Variants in CNTNAP2 observed in about 807,000 individuals in gnomAD.
The protein encoded by CNTNAP2 is contactin-associated protein-like 2.
CNTNAP2 carries 98 observed loss-of-function variants against 155.2 expected under a neutral mutation model. That is an observed-to-expected ratio of 0.63 (90% CI 0.54 to 0.75). CNTNAP2 has a LOEUF of 0.75. Ranked by LOEUF, CNTNAP2 falls within the 30% of genes least tolerant of loss-of-function variation. CNTNAP2 has a pLI of 0.00. For missense variants in CNTNAP2, 1,727 were observed against 1,688.1 expected, an observed-to-expected ratio of 1.02 and a Z score of -0.40; for synonymous variants, 651 against 631.2, an observed-to-expected ratio of 1.03 and a Z score of -0.47.
intron 1 of CNTNAP2, among the ~76,000 whole-genome samples, chr7:146,771,237 T>A (rs1802288853): frequency 6.6e-6 from 1 of 152,200 alleles, no homozygotes; most frequent in Non-Finnish European, 1.5e-5. Context: ...ACATAAGCTC[T>A]ACAAGGGCAG....
chr7:147,368,493 T>C (rs1435834743), intron 9 of CNTNAP2, among the ~76,000 whole-genome samples: 1 of 152,164 alleles, frequency 6.6e-6, no homozygotes, highest in Non-Finnish European at 1.5e-5. Context: ...ATTTCAATGA[T>C]GGCAGCCTTG....
chr7:146,929,270 T>G (rs939190233), intron 3 of CNTNAP2, among the ~76,000 whole-genome samples: 3 of 152,104 alleles, frequency 2.0e-5, no homozygotes, highest in Non-Finnish European at 4.4e-5. Context: ...ACAGCAGCAT[T>G]CGCGGTTCAC....
chr7:147,886,475 C>CAAAAAAAAAAAAAAA lies in CNTNAP2; in HGVS notation c.2099-17076_2099-17062dup, dbSNP rs532837902. On this transcript the variant is annotated intron_variant, in intron 13 of 23. Coordinates refer to ENST00000361727, the MANE Select transcript of CNTNAP2 (RefSeq NM_014141.6). ...GGGCAACAAGAGGGAAACTCCATCTCAAAAAAAAAAAAAAAAAAAAAAAAA... is the reference window on the plus strand; with the variant it reads ...GGGCAACAAGAGGGAAACTCCATCTCAAAAAAAAAAAAAAAAAAAAAAAAAAAAAAAAAAAAAAAA... Among the ~76,000 whole-genome samples the CAAAAAAAAAAAAAAA allele has an allele frequency of 5.8e-4, 23 of 39,738 alleles. 2 individuals are homozygous for CAAAAAAAAAAAAAAA. Among genetic ancestry groups the CAAAAAAAAAAAAAAA allele is most frequent in the African/African-American group, 2.1e-3 (20 of 9,384 alleles). The allele number at this position is 39,738 out of a possible 152,430, so 26.1% of individuals were successfully genotyped here. A position where few individuals can be genotyped will look rare whatever the true frequency, so the allele number is the denominator to read the frequency against.
At chr7:146,166,197 G>A (rs564394052) in intron 1 of CNTNAP2, among the ~76,000 whole-genome samples, 2 of 152,022 alleles carry the variant, frequency 1.3e-5, no homozygotes, top group African/African-American at 4.8e-5. Context: ...GTGTTCAGGC[G>A]ATTCTCCTGC....
intron 1 of CNTNAP2, among the ~76,000 whole-genome samples, chr7:146,284,016 TCAATGATGATTTA>T (rs1452648795): frequency 1.3e-5 from 2 of 152,184 alleles, no homozygotes; most frequent in Non-Finnish European, 2.9e-5. Flanking sequence ...GAGGTAAAAA[TCAATGATGATTTA>T]CAAGAGATTG....
chr7:148,288,049 C>T (rs1474881778), intron 21 of CNTNAP2, among the ~76,000 whole-genome samples: 1 of 151,448 alleles, frequency 6.6e-6, no homozygotes, highest in Admixed American at 6.6e-5. Flanking sequence ...CTTGGCCCCC[C>T]AAAGTGCGGG....
At chr7:147,988,974 TG>T (rs1330883252) in intron 15 of CNTNAP2, among the ~76,000 whole-genome samples, 2 of 152,196 alleles carry the variant, frequency 1.3e-5, no homozygotes, top group Non-Finnish European at 2.9e-5. Context: ...GCTCTGATCC[TG>T]GATCAGTTTA....
chr7:147,790,044 T>C (rs1392274290), intron 13 of CNTNAP2, among the ~76,000 whole-genome samples: 1 of 152,164 alleles, frequency 6.6e-6, no homozygotes, highest in East Asian at 1.9e-4. Context: ...CATATATACA[T>C]ATATCCTATT....
At chr7:146,901,308 A>C (rs1795989716) in intron 3 of CNTNAP2, among the ~76,000 whole-genome samples, 1 of 152,188 alleles carries the variant, frequency 6.6e-6, no homozygotes, top group South Asian at 2.1e-4. Flanking sequence ...AGAAAACAAA[A>C]ATTATTTCCA....
intron 10 of CNTNAP2, among the ~76,000 whole-genome samples, chr7:147,479,992 A>T (rs1209375563): frequency 6.6e-6 from 1 of 152,132 alleles, no homozygotes; most frequent in Non-Finnish European, 1.5e-5. Context: ...CTCCATAGAG[A>T]ATATCCTTTC....
At chr7:147,317,794 G>C (rs995581876) in intron 9 of CNTNAP2, among the ~76,000 whole-genome samples, 1 of 65,488 alleles carries the variant, frequency 1.5e-5, no homozygotes, top group Non-Finnish European at 2.9e-5. Flanking sequence ...GTGTGTGTGT[G>C]TGTGTATATG....
intron 1 of CNTNAP2, among the ~76,000 whole-genome samples, chr7:146,720,645 AT>A (rs1425540320): frequency 6.6e-6 from 1 of 151,922 alleles, no homozygotes; most frequent in Admixed American, 6.6e-5. Context: ...AATGACACCT[AT>A]TTTGGAGTAT....
At chr7:146,163,543 CTA>C (rs1299524980) in intron 1 of CNTNAP2, among the ~76,000 whole-genome samples, 2 of 142,788 alleles carry the variant, frequency 1.4e-5, no homozygotes, top group Admixed American at 1.4e-4. Flanking sequence ...ATATCTATAT[CTA>C]TATATCTATA....
intron 10 of CNTNAP2, among the ~76,000 whole-genome samples, chr7:147,480,820 G>A (rs1252975552): frequency 2.0e-5 from 3 of 152,134 alleles, no homozygotes; most frequent in African/African-American, 7.2e-5. Flanking sequence ...TTCCAACCGT[G>A]GTTCTCTGCC....
chr7:146,637,040 T>C (rs979429949), intron 1 of CNTNAP2, among the ~76,000 whole-genome samples: 3 of 152,204 alleles, frequency 2.0e-5, no homozygotes, highest in African/African-American at 7.2e-5. Flanking sequence ...ATTTGGGCAA[T>C]AATGTCAGCA....
At chr7:146,882,429 A>C (rs938037991) in intron 3 of CNTNAP2, among the ~76,000 whole-genome samples, 3 of 152,052 alleles carry the variant, frequency 2.0e-5, no homozygotes, top group African/African-American at 7.2e-5. Context: ...GGAGGTGATT[A>C]GATCATGGTT....
intron 1 of CNTNAP2, among the ~76,000 whole-genome samples, chr7:146,374,590 A>T (rs1167126823): frequency 6.6e-6 from 1 of 152,178 alleles, no homozygotes; most frequent in Non-Finnish European, 1.5e-5. Flanking sequence ...ATGTGAGTGG[A>T]ACCTTTTTAA....
chr7:147,244,848 T>A (rs1168171332), intron 8 of CNTNAP2, among the ~76,000 whole-genome samples: 1 of 152,214 alleles, frequency 6.6e-6, no homozygotes, highest in African/African-American at 2.4e-5. Flanking sequence ...CAGACTGTTT[T>A]CTCATATAGA....
Position 148,419,233 on chromosome 7 carries a change from C to T in CNTNAP2, c.*3617C>T. Reference sequence around the variant, plus strand: ...CCCCCCATTTTTTCTTTTCACCACCCTGTTGAGCAATTTTCCCAAAAAAAG... The same window carrying T: ...CCCCCCATTTTTTCTTTTCACCACCTTGTTGAGCAATTTTCCCAAAAAAAG... On this transcript the variant is annotated 3_prime_UTR_variant, in exon 24 of 24. Transcript: ENST00000361727. 1 of 152,126 alleles carries T rather than the reference C, an allele frequency of 6.6e-6. No individual in the cohort carries two copies. Among genetic ancestry groups the T allele is most frequent in the Non-Finnish European group, 1.5e-5 (1 of 68,028 alleles). 9.4% of individuals were successfully genotyped at this position (152,126 alleles called of 1,614,324 possible).
Sources: gnomAD v4.1 joint callset for allele counts (sites outside exome capture counted in the v4.1 genomes callset) on GRCh38, gnomAD v4.1.1 for gene constraint, MANE v1.5 for transcripts, NCBI Gene and HGNC (gene_info 2026-07-23, HGNC 2026-07-21) for gene names.